The following ETV6 variants were observed in gnomAD, a reference collection of about 807,000 sequenced individuals.
ETV6 encodes the protein ETS variant transcription factor 6.
A neutral mutation model predicts 51.1 loss-of-function variants in ETV6; 16 were observed. The ratio of observed to expected loss-of-function variants is 0.31; its 90% CI spans 0.21 to 0.48. ETV6 has a LOEUF of 0.48. ETV6 is among the 20% of genes least tolerant of loss of function. The pLI, the probability that ETV6 is intolerant of heterozygous loss-of-function variation, is 0.99. For missense variants in ETV6, 458 were observed against 594.8 expected, an observed-to-expected ratio of 0.77 and a Z score of 2.39; for synonymous variants, 240 against 224.1, an observed-to-expected ratio of 1.07 and a Z score of -0.64.
At chr12:11,652,040 T>G (rs914235106) in intron 1 of ETV6, among the ~76,000 whole-genome samples, 3 of 152,234 alleles carry the variant, frequency 2.0e-5, no homozygotes, top group Non-Finnish European at 2.9e-5. Flanking sequence ...AAACGCGTTC[T>G]TAAATGCAAC....
At chr12:11,674,525 G>A (rs1273911049) in intron 1 of ETV6, among the ~76,000 whole-genome samples, 1 of 151,908 alleles carries the variant, frequency 6.6e-6, no homozygotes, top group Non-Finnish European at 1.5e-5. Flanking sequence ...GAAAACAGCC[G>A]GAGACAATAG....
At chr12:11,681,179 C>T (rs181980727) in intron 1 of ETV6, among the ~76,000 whole-genome samples, 24 of 152,324 alleles carry the variant, frequency 1.6e-4, no homozygotes, top group Admixed American at 9.8e-4. Context: ...CGTCTGCATC[C>T]GGGTTCCATT....
At chr12:11,735,728 A>G (rs1865692079) in intron 1 of ETV6, among the ~76,000 whole-genome samples, 1 of 152,128 alleles carries the variant, frequency 6.6e-6, no homozygotes, top group Non-Finnish European at 1.5e-5. Context: ...CCTCTTGAGT[A>G]GCTGGGATTA....
intron 5 of ETV6, among the ~76,000 whole-genome samples, chr12:11,870,642 C>T (rs1351066127): frequency 3.3e-5 from 5 of 152,302 alleles, no homozygotes; most frequent in Middle Eastern, 6.8e-3. Context: ...AATCCTCTAA[C>T]CATGTGACAA....
At chr12:11,829,414 C>A (rs111419151) in intron 2 of ETV6, among the ~76,000 whole-genome samples, 1 of 152,186 alleles carries the variant, frequency 6.6e-6, no homozygotes, top group African/African-American at 2.4e-5. Context: ...GATTCAGACG[C>A]GTAACTAACC....
At position 11,853,503 on chromosome 12, in the gene ETV6, C is replaced by T. The variant is rs758529670; in HGVS notation, c.405C>T (p.His135=). The T allele has an allele frequency of 1.5e-5, 25 of 1,614,192 alleles. No homozygotes were observed. Among genetic ancestry groups the T allele is most frequent in the Non-Finnish European group, 2.1e-5 (25 of 1,180,020 alleles). The part of the protein sequence containing the change: ...KPRILFSPFF[H]PGNSIHTQPE... The stretch of plus-strand genomic sequence containing the variant: ...GGATTCTTTTTTCACCATTCTTCCA[C>T]CCTGGAAACTCTATACACACACAGC... Residue 135 remains histidine, a synonymous_variant, in exon 4 of 8, where the codon CAC becomes CAT. Transcript: ENST00000396373.
At chr12:11,783,466 T>A (rs1360580369) in intron 2 of ETV6, among the ~76,000 whole-genome samples, 1 of 152,048 alleles carries the variant, frequency 6.6e-6, no homozygotes, top group Non-Finnish European at 1.5e-5. Flanking sequence ...TGATTATAGA[T>A]GACTCTCTTA....
At chr12:11,874,509 CGTGTGTACACACATATAT>C (rs1946936935) in intron 5 of ETV6, among the ~76,000 whole-genome samples, 1 of 10,574 alleles carries the variant, frequency 9.5e-5, no homozygotes, top group Admixed American at 1.1e-3. Context: ...TGTGTATGTG[CGTGTGTACACACATATAT>C]GTGTATGTGC....
At chr12:11,678,198 G>A (rs994629722) in intron 1 of ETV6, among the ~76,000 whole-genome samples, 1 of 152,192 alleles carries the variant, frequency 6.6e-6, no homozygotes, top group African/African-American at 2.4e-5. Context: ...AAAAGGGAGA[G>A]TGCTTTGAGG....
At chr12:11,753,214 C>T (rs1045172023) in intron 2 of ETV6, among the ~76,000 whole-genome samples, 1 of 152,112 alleles carries the variant, frequency 6.6e-6, no homozygotes, top group African/African-American at 2.4e-5. Context: ...CATCTCTACC[C>T]CTTGGCCTAC....
intron 1 of ETV6, among the ~76,000 whole-genome samples, chr12:11,700,829 C>T (rs1056220995): frequency 2.0e-5 from 3 of 152,060 alleles, no homozygotes; most frequent in Admixed American, 6.6e-5. Flanking sequence ...GAAAGGCAGG[C>T]CACTCAGTGT....
chr12:11,777,955 G>T (rs1894331), intron 2 of ETV6, among the ~76,000 whole-genome samples: 75,159 of 151,990 alleles, frequency 0.49, 21,595 homozygotes, highest in Admixed American at 0.7. Flanking sequence ...GACTGTGCCA[G>T]ATTGATCACC....
chr12:11,783,155 A>G (rs988715317), intron 2 of ETV6, among the ~76,000 whole-genome samples: 8 of 152,180 alleles, frequency 5.3e-5, no homozygotes, highest in Non-Finnish European at 1.0e-4. Context: ...GATGGGAAGC[A>G]GAAAAGACAA....
intron 2 of ETV6, among the ~76,000 whole-genome samples, chr12:11,783,016 A>G (rs556888402): frequency 1.2e-4 from 19 of 152,300 alleles, no homozygotes; most frequent in Non-Finnish European, 2.5e-4. Flanking sequence ...AGCTGTAGCA[A>G]TGATCTAGGT....
Position 11,874,635 on chromosome 12 carries a change from T to C in ETV6, c.1009+4666T>C, listed in dbSNP as rs369278159. Among the ~76,000 whole-genome samples, 6 of 4,232 alleles carry C rather than the reference T, an allele frequency of 1.4e-3. 2 individuals are homozygous for C. The highest frequency in any genetic ancestry group is 2.2e-3 in the African/African-American group (6 of 2,754). The allele number at this position is 4,232 out of a possible 152,430, so 2.8% of individuals were successfully genotyped here. A position where few individuals can be genotyped will look rare whatever the true frequency, so the allele number is the denominator to read the frequency against. ...GTGTGTACACACATATGTGTATGTG[T>C]GTGTGTATATACACATATGTGTGTA... On this transcript the variant is annotated intron_variant, in intron 5 of 7. Coordinates refer to ENST00000396373, the MANE Select transcript of ETV6 (RefSeq NM_001987.5).
chr12:11,808,450 A>ACAT (rs1487634007), intron 2 of ETV6, among the ~76,000 whole-genome samples: 1 of 152,014 alleles, frequency 6.6e-6, no homozygotes, highest in African/African-American at 2.4e-5. Flanking sequence ...AAAACAAAAA[A>ACAT]AAAAAACCCA....
At chr12:11,749,856 G>A (rs190735698) in intron 1 of ETV6, among the ~76,000 whole-genome samples, 3 of 152,264 alleles carry the variant, frequency 2.0e-5, no homozygotes, top group East Asian at 1.9e-4. Context: ...AAGAGTGCTC[G>A]GGGCCCTAGA....
At chr12:11,836,503 C>G (rs1294182878) in intron 2 of ETV6, among the ~76,000 whole-genome samples, 5 of 152,118 alleles carry the variant, frequency 3.3e-5, no homozygotes, top group Non-Finnish European at 7.4e-5. Flanking sequence ...GGTTTCCACA[C>G]GGTGGCCCTG....
At chr12:11,659,219 G>A (rs1357712973) in intron 1 of ETV6, among the ~76,000 whole-genome samples, 1 of 151,952 alleles carries the variant, frequency 6.6e-6, no homozygotes, top group Non-Finnish European at 1.5e-5. Context: ...GATGTGAGGG[G>A]ACCGAAGTGT....
Sources: allele counts gnomAD v4.1 joint callset (sites outside exome capture counted in the v4.1 genomes callset), GRCh38; gene constraint gnomAD v4.1.1; transcripts MANE v1.5; gene names NCBI Gene and HGNC (gene_info 2026-07-23, HGNC 2026-07-21).